RASSF9: variants seen among roughly 807,000 people sequenced by gnomAD.
The protein encoded by RASSF9 is Ras association domain family member 9.
A neutral mutation model predicts 21.4 loss-of-function variants in RASSF9; 18 were observed. The ratio of observed to expected loss-of-function variants is 0.84; its 90% confidence interval spans 0.58 to 1.25. The LOEUF (loss-of-function observed/expected upper bound fraction) is 1.25. Among genes scored for constraint, RASSF9 ranks in the 50% most tolerant of loss-of-function variants. The pLI is 0.00. For synonymous variants in RASSF9, 183 were observed against 179.1 expected, an observed-to-expected ratio of 1.02 and a Z score of -0.18; for missense variants, 480 against 503.2, an observed-to-expected ratio of 0.95 and a Z score of 0.44.
intron 1 of RASSF9, among the ~76,000 whole-genome samples, chr12:85,828,170 T>C (rs1010340260): frequency 2.0e-5 from 3 of 152,124 alleles, no homozygotes; most frequent in African/African-American, 4.8e-5. Context: ...GATATAAATA[T>C]ATATGTGTGT....
intron 1 of RASSF9, among the ~76,000 whole-genome samples, chr12:85,821,680 T>C (rs1880214390): frequency 6.6e-6 from 1 of 152,172 alleles, no homozygotes; most frequent in Non-Finnish European, 1.5e-5. Flanking sequence ...TGTGTGTTTA[T>C]TTGTATTTAT....
Position 85,805,630 on chromosome 12 carries a change from C to T in RASSF9, c.380G>A (p.Arg127Gln), listed in dbSNP as rs777601171. The change falls in exon 2 of 2, where the codon CGG (arginine) becomes CAG (glutamine). Residue 127 changes from arginine (R) to glutamine (Q), a missense_variant. By Grantham distance (43) the Arg-to-Gln change is conservative. Coordinates refer to ENST00000361228, the MANE Select transcript of RASSF9 (RefSeq NM_005447.4). The part of the protein sequence containing the change: ...ADAFLPVPLW[R>Q]TAEAKLVQNT... ...TTGCACTAATTTGGCTTCAGCTGTC[C>T]GCCACAAAGGAACTGGAAGAAAAGC... 2.1e-5 allele frequency: 34 copies of T among 1,613,804 alleles called. No homozygotes were observed. The highest frequency in any genetic ancestry group is 4.5e-5 in the East Asian group (2 of 44,894).
At chr12:85,823,787 C>G (rs925213647) in intron 1 of RASSF9, among the ~76,000 whole-genome samples, 3 of 152,186 alleles carry the variant, frequency 2.0e-5, no homozygotes, top group African/African-American at 7.2e-5. Flanking sequence ...TCTACCTGAA[C>G]TGAGCCCTCA....
chr12:85,814,432 C>G (rs1221209242), intron 1 of RASSF9, among the ~76,000 whole-genome samples: 1 of 151,982 alleles, frequency 6.6e-6, no homozygotes, highest in Non-Finnish European at 1.5e-5. Flanking sequence ...AAATAATTAT[C>G]TGGCCTGAAA....
intron 1 of RASSF9, among the ~76,000 whole-genome samples, chr12:85,806,928 T>A (rs938710090): frequency 6.6e-6 from 1 of 152,068 alleles, no homozygotes; most frequent in East Asian, 1.9e-4. Context: ...GCCAACTATA[T>A]GCCAGACACA....
intron 1 of RASSF9, among the ~76,000 whole-genome samples, chr12:85,823,169 C>T (rs1390735495): frequency 2.0e-5 from 3 of 147,726 alleles, no homozygotes; most frequent in Non-Finnish European, 4.4e-5. Context: ...CACTGCACTC[C>T]AGCCTGGGCG....
chr12:85,813,976 G>A (rs1880009272), intron 1 of RASSF9, among the ~76,000 whole-genome samples: 1 of 151,992 alleles, frequency 6.6e-6, no homozygotes, highest in Admixed American at 6.6e-5. Context: ...GTAAAGGAGT[G>A]ATTCCAAGGG....
In RASSF9 at chr12:85,835,470, T is replaced by C. The variant is rs190419968; in HGVS notation, c.47+685A>G. On this transcript the variant is annotated intron_variant, in intron 1 of 1. Transcript: ENST00000361228. ...CTATGGGCATTTCAAGCTTGAAATA[T>C]CAAATCAAATCAAAGTAAAACAGTA... 1.0e-3 allele frequency among the ~76,000 whole-genome samples: 159 copies of C among 152,232 alleles called. 1 individual carries two copies. In the Middle Eastern group the frequency reaches 0.02, roughly 20 times the overall value.
chr12:85,813,172 T>C (rs1439820856), intron 1 of RASSF9, among the ~76,000 whole-genome samples: 1 of 151,944 alleles, frequency 6.6e-6, no homozygotes, highest in Non-Finnish European at 1.5e-5. Flanking sequence ...ATTTATATAC[T>C]ACATGAAACT....
intron 1 of RASSF9, among the ~76,000 whole-genome samples, chr12:85,814,659 A>ATT (rs77205176): frequency 0.13 from 18,997 of 148,330 alleles, 1,343 homozygotes; most frequent in Non-Finnish European, 0.16. Context: ...ATGAATAGAA[A>ATT]TTTTTTTTTT....
In RASSF9 at chr12:85,804,812, T is replaced by C. The variant is rs2136548243; in HGVS notation, c.1198A>G (p.Arg400Gly). 1 of 1,613,410 alleles carries C rather than the reference T, an allele frequency of 6.2e-7. No homozygotes were observed. The highest frequency in any genetic ancestry group is 1.6e-4 in the Middle Eastern group (1 of 6,062). Residue 400 changes from arginine (R) to glycine (G), a missense_variant, in exon 2 of 2, where the codon AGA (arginine) becomes GGA (glycine). Transcript: ENST00000361228. The part of the protein sequence containing the change: ...SNGEIPPFTQ[R>G]VFSNYTNDTD... ...TCATTTGTGTAATTGCTAAATACTCTTTGAGTAAAGGGAGGAATCTCCCCA... is the reference window on the plus strand; with the variant it reads ...TCATTTGTGTAATTGCTAAATACTCCTTGAGTAAAGGGAGGAATCTCCCCA...
chr12:85,831,204 A>G (rs1197691480), intron 1 of RASSF9, among the ~76,000 whole-genome samples: 1 of 152,068 alleles, frequency 6.6e-6, no homozygotes. Flanking sequence ...ATATTTGTGA[A>G]TTATTTAGAG....
intron 1 of RASSF9, among the ~76,000 whole-genome samples, chr12:85,806,770 A>C (rs1313392504): frequency 2.0e-5 from 3 of 151,610 alleles, no homozygotes; most frequent in Non-Finnish European, 4.4e-5. Flanking sequence ...TTTATTTCCT[A>C]GTGTGCTCTG....
At chr12:85,813,341 A>G (rs1386204401) in intron 1 of RASSF9, among the ~76,000 whole-genome samples, 2 of 151,986 alleles carry the variant, frequency 1.3e-5, no homozygotes, top group African/African-American at 4.8e-5. Context: ...AAAAAATTAC[A>G]CAGAATTAAA....
At chr12:85,813,117 T>A (rs1461061414) in intron 1 of RASSF9, among the ~76,000 whole-genome samples, 1 of 151,862 alleles carries the variant, frequency 6.6e-6, no homozygotes, top group Non-Finnish European at 1.5e-5. Context: ...GTTTAATTAT[T>A]CAGGTTTTGC....
chr12:85,817,723 A>G (rs1179242609), intron 1 of RASSF9, among the ~76,000 whole-genome samples: 4 of 152,088 alleles, frequency 2.6e-5, no homozygotes, highest in Admixed American at 6.6e-5. Context: ...GAAATGGAAG[A>G]TAAAGTGATC....
rs1315382564 is a variant in RASSF9, at chr12:85,836,407, T to A, written c.-206A>T. 8.5e-6 allele frequency: 10 copies of A among 1,175,072 alleles called. No homozygotes were observed. Among genetic ancestry groups the A allele is most frequent in the Middle Eastern group, 3.0e-4 (1 of 3,380 alleles). 72.8% of individuals were successfully genotyped at this position (1,175,072 alleles called of 1,614,324 possible). A position where few individuals can be genotyped will look rare whatever the true frequency, so the allele number is the denominator to read the frequency against. ...GCTTAACTTTGAACTGCGGGATTGT[T>A]GTGGCTGCTGCACCTCTGGAGACCT... is the stretch of plus-strand genomic sequence containing the variant. On this transcript the variant is annotated 5_prime_UTR_variant, in exon 1 of 2. Transcript: ENST00000361228.
At chr12:85,818,440 T>C (rs902023595) in intron 1 of RASSF9, among the ~76,000 whole-genome samples, 3 of 152,228 alleles carry the variant, frequency 2.0e-5, no homozygotes, top group African/African-American at 7.2e-5. Context: ...TATGTTTTAG[T>C]AAGTTTTTTT....
intron 1 of RASSF9, 53 bp downstream of exon 1, chr12:85,836,102 G>C: frequency 6.7e-7 from 1 of 1,489,914 alleles, no homozygotes; most frequent in Middle Eastern, 1.9e-4. Flanking sequence ...ACACACACAA[G>C]ACACACACAC....
Sources: gnomAD v4.1 joint callset for allele counts (sites outside exome capture counted in the v4.1 genomes callset) on GRCh38, gnomAD v4.1.1 for gene constraint, MANE v1.5 for transcripts, NCBI Gene and HGNC (gene_info 2026-07-23, HGNC 2026-07-21) for gene names.